The following RAB3C variants were observed in gnomAD, a reference collection of about 807,000 sequenced individuals.
RAB3C encodes ras-related protein Rab-3C.
A neutral mutation model predicts 26.4 loss-of-function variants in RAB3C; 17 were observed. The observed-to-expected ratio is 0.64, with a 90% CI of 0.44 to 0.97. The LOEUF is 0.97. RAB3C is among the 50% of genes least tolerant of loss of function. RAB3C has a pLI of 0.00. For synonymous variants in RAB3C, 91 were observed against 95.9 expected, an observed-to-expected ratio of 0.95 and a Z score of 0.30; for missense variants, 242 against 281.9, an observed-to-expected ratio of 0.86 and a Z score of 1.01.
At chr5:58,691,708 A>G (rs1349359893) in intron 2 of RAB3C, among the ~76,000 whole-genome samples, 1 of 152,192 alleles carries the variant, frequency 6.6e-6, no homozygotes, top group Admixed American at 6.5e-5. Context: ...CCAGACATGC[A>G]ATGAATACAA....
At chr5:58,667,630 A>T (rs547142971) in intron 2 of RAB3C, among the ~76,000 whole-genome samples, 24 of 152,344 alleles carry the variant, frequency 1.6e-4, no homozygotes, top group African/African-American at 5.8e-4. Flanking sequence ...TGATTTGTTA[A>T]GAATTTACTA....
intron 2 of RAB3C, among the ~76,000 whole-genome samples, chr5:58,676,492 GA>G (rs1254496381): frequency 5.9e-5 from 9 of 151,986 alleles, no homozygotes; most frequent in Non-Finnish European, 1.2e-4. Context: ...AACAGAGCAA[GA>G]CTCTGTTGCC....
chr5:58,776,272 C>A (rs767567066), intron 3 of RAB3C, among the ~76,000 whole-genome samples: 3 of 152,106 alleles, frequency 2.0e-5, no homozygotes, highest in East Asian at 1.9e-4. Flanking sequence ...CTCCACCCAC[C>A]TTTCCCTCCC....
chr5:58,734,470 C>T (rs892789535), intron 3 of RAB3C, among the ~76,000 whole-genome samples: 4 of 152,084 alleles, frequency 2.6e-5, no homozygotes, highest in Admixed American at 1.3e-4. Flanking sequence ...TACACTGGAC[C>T]GCGGGGAGTC....
chr5:58,674,801 T>A (rs543360901), intron 2 of RAB3C, among the ~76,000 whole-genome samples: 35 of 152,178 alleles, frequency 2.3e-4, no homozygotes, highest in African/African-American at 8.2e-4. Context: ...CTTGTGTTGG[T>A]CTTTAGAAAT....
chr5:58,607,289 G>A (rs935299184), intron 1 of RAB3C, among the ~76,000 whole-genome samples: 1 of 152,084 alleles, frequency 6.6e-6, no homozygotes, highest in Admixed American at 6.6e-5. Context: ...TAGCCAATTC[G>A]ATCAAGTGGA....
intron 4 of RAB3C, among the ~76,000 whole-genome samples, chr5:58,839,884 G>C (rs1914024): frequency 1.3e-5 from 2 of 150,874 alleles, no homozygotes; most frequent in Non-Finnish European, 3.0e-5. Flanking sequence ...GGATGGCTTT[G>C]CTGGGTATAA....
At chr5:58,823,961 T>A (rs1297493950) in intron 3 of RAB3C, among the ~76,000 whole-genome samples, 1 of 147,388 alleles carries the variant, frequency 6.8e-6, no homozygotes, top group Non-Finnish European at 1.5e-5. Flanking sequence ...CACCTGTGAG[T>A]GAGAACATGC....
intron 3 of RAB3C, among the ~76,000 whole-genome samples, chr5:58,751,339 CACAT>C (rs1741519390): frequency 6.6e-6 from 1 of 152,206 alleles, no homozygotes; most frequent in Non-Finnish European, 1.5e-5. Flanking sequence ...TGCTTGATGA[CACAT>C]AGTAGGCACT....
At chr5:58,668,481 A>G (rs913209833) in intron 2 of RAB3C, among the ~76,000 whole-genome samples, 9 of 152,166 alleles carry the variant, frequency 5.9e-5, no homozygotes, top group African/African-American at 1.9e-4. Context: ...GTGTTCCACA[A>G]AATCATTATT....
At chr5:58,663,784 C>T (rs73098401) in intron 2 of RAB3C, among the ~76,000 whole-genome samples, 2,749 of 152,158 alleles carry the variant, frequency 0.018, 93 homozygotes, top group African/African-American at 0.063. Context: ...AAACAAAAAA[C>T]GGCAAAAAGC....
At position 58,636,569 on chromosome 5, in the gene RAB3C, T is replaced by C. The variant is rs142454826; in HGVS notation, c.252+18699T>C. Among the ~76,000 whole-genome samples, 372 of 152,298 alleles carry C rather than the reference T, an allele frequency of 2.4e-3. 3 individuals are homozygous for C. Among genetic ancestry groups the C allele is most frequent in the African/African-American group, 8.6e-3 (358 of 41,562 alleles). On this transcript the variant is annotated intron_variant, in intron 2 of 4. Transcript: ENST00000282878. ...ACTCCCTATATCCCAGTCCATCGTT[T>C]GGATTTTATATCCACCAAATGCTTT...
intron 2 of RAB3C, among the ~76,000 whole-genome samples, chr5:58,702,648 C>T (rs905456487): frequency 6.6e-6 from 1 of 152,110 alleles, no homozygotes; most frequent in Non-Finnish European, 1.5e-5. Flanking sequence ...CCATCTCCTT[C>T]TTCTGCCTTC....
chr5:58,754,703 G>A (rs895377), intron 3 of RAB3C, among the ~76,000 whole-genome samples: 59,633 of 151,924 alleles, frequency 0.39, 11,978 homozygotes, highest in Middle Eastern at 0.48. Context: ...TGTTTATATC[G>A]TGCGCAATCT....
chr5:58,717,166 G>A (rs1749189346), intron 2 of RAB3C, among the ~76,000 whole-genome samples: 1 of 152,064 alleles, frequency 6.6e-6, no homozygotes, highest in African/African-American at 2.4e-5. Context: ...TCTCAGTACT[G>A]TTGAGCCCAG....
intron 2 of RAB3C, among the ~76,000 whole-genome samples, chr5:58,641,541 A>G (rs534890119): frequency 1.3e-5 from 2 of 152,226 alleles, no homozygotes; most frequent in African/African-American, 2.4e-5. Context: ...TTTCTTTCCA[A>G]CTGGCACCCA....
At chr5:58,600,112 T>C (rs1194698673) in intron 1 of RAB3C, among the ~76,000 whole-genome samples, 2 of 152,004 alleles carry the variant, frequency 1.3e-5, no homozygotes, top group South Asian at 2.1e-4. Context: ...AGGGGGACTT[T>C]ATGTTTTTGT....
intron 4 of RAB3C, among the ~76,000 whole-genome samples, chr5:58,827,845 C>CAATTTA (rs927165544): frequency 2.6e-5 from 4 of 152,150 alleles, no homozygotes; most frequent in Non-Finnish European, 4.4e-5. Flanking sequence ...AATGCTCTCA[C>CAATTTA]AATTTAAATT....
At chr5:58,745,897 C>A (rs572671476) in intron 3 of RAB3C, among the ~76,000 whole-genome samples, 1 of 152,288 alleles carries the variant, frequency 6.6e-6, no homozygotes, top group Admixed American at 6.5e-5. Flanking sequence ...TATACTTAGG[C>A]ACTTAATTAA....
Sources: gnomAD v4.1 joint callset for allele counts (sites outside exome capture counted in the v4.1 genomes callset) on GRCh38, gnomAD v4.1.1 for gene constraint, MANE v1.5 for transcripts, NCBI Gene and HGNC (gene_info 2026-07-23, HGNC 2026-07-21) for gene names.